Variants in PPP1R9A observed in about 807,000 individuals in gnomAD.
PPP1R9A encodes neurabin-1.
Under a neutral mutation model 141.9 loss-of-function variants are expected in PPP1R9A, and 59 were observed. The observed-to-expected ratio is 0.42, with a 90% CI of 0.34 to 0.52. PPP1R9A has a LOEUF of 0.52. PPP1R9A is among the 20% of genes least tolerant of loss of function. PPP1R9A has a pLI of 0.10. For synonymous variants in PPP1R9A, 500 were observed against 569.7 expected (o/e 0.88, Z 1.74); for missense variants, 1,444 against 1,611.9 (o/e 0.90, Z 1.78).
intron 5 of PPP1R9A, among the ~76,000 whole-genome samples, chr7:95,164,272 G>A (rs1830857610): frequency 6.6e-6 from 1 of 152,166 alleles, no homozygotes; most frequent in East Asian, 1.9e-4. Context: ...ATTCAAATAG[G>A]TGTATAGTGG....
chr7:95,011,625 C>G (rs1348259583), intron 2 of PPP1R9A, among the ~76,000 whole-genome samples: 2 of 152,130 alleles, frequency 1.3e-5, no homozygotes, highest in African/African-American at 4.8e-5. Context: ...AATTTAAAAA[C>G]TACTCTACTG....
At chr7:95,265,097 T>A (rs985261177) in intron 12 of PPP1R9A, among the ~76,000 whole-genome samples, 1 of 152,186 alleles carries the variant, frequency 6.6e-6, no homozygotes, top group African/African-American at 2.4e-5. Context: ...TATTCTTGGA[T>A]ATATGTAAAG....
chr7:95,251,685 T>G, intron 10 of PPP1R9A, 77 bp from the exon 11 acceptor site: 2 of 1,314,876 alleles, frequency 1.5e-6, no homozygotes, highest in Non-Finnish European at 2.1e-6. Flanking sequence ...TATCCTACTA[T>G]GCAGTTTATT....
chr7:95,021,800 A>C (rs1449136743), intron 2 of PPP1R9A, among the ~76,000 whole-genome samples: 1 of 151,966 alleles, frequency 6.6e-6, no homozygotes, highest in Non-Finnish European at 1.5e-5. Context: ...TGTTATTTCC[A>C]AGGGCTCTGT....
chr7:95,242,620 A>G (rs1797610872), intron 8 of PPP1R9A, among the ~76,000 whole-genome samples: 1 of 152,122 alleles, frequency 6.6e-6, no homozygotes, highest in South Asian at 2.1e-4. Flanking sequence ...CACAGCAGGT[A>G]CACCTTCAGA....
At chr7:94,984,391 G>A (rs1047847627) in intron 2 of PPP1R9A, among the ~76,000 whole-genome samples, 1 of 152,106 alleles carries the variant, frequency 6.6e-6, no homozygotes, top group African/African-American at 2.4e-5. Context: ...GATTGGAATA[G>A]TTTCAAAAGG....
At chr7:94,948,761 A>G (rs1318677102) in intron 2 of PPP1R9A, among the ~76,000 whole-genome samples, 10 of 152,092 alleles carry the variant, frequency 6.6e-5, no homozygotes, top group Non-Finnish European at 1.2e-4. Flanking sequence ...CCTGGCATTT[A>G]TAGCATACTT....
Position 95,269,475 on chromosome 7 carries a change from A to C in PPP1R9A, c.3092A>C (p.Gln1031Pro). The C allele has an allele frequency of 6.3e-7, 1 of 1,583,104 alleles. No homozygotes were observed. Residue 1031 changes from glutamine (Q) to proline (P), a missense_variant, in exon 14 of 20, where the codon CAA (glutamine) becomes CCA (proline). By Grantham distance (76) the Gln-to-Pro change is moderately conservative. Coordinates refer to ENST00000433360, the MANE Select transcript of PPP1R9A (RefSeq NM_001166160.2). ...GTGGAAGAATCTCCTTGCCATCACC[A>C]AACCACCAACAAGAAAATATTACGA... Reference protein sequence around the residue: ...HDVEESPCHHQTTNKKILREK... With the variant: ...HDVEESPCHHPTTNKKILREK...
At chr7:94,989,029 CTT>C (rs1375029163) in intron 2 of PPP1R9A, among the ~76,000 whole-genome samples, 5 of 152,044 alleles carry the variant, frequency 3.3e-5, no homozygotes. Context: ...TTTGAGGACT[CTT>C]TTAGTCCAGT....
intron 14 of PPP1R9A, among the ~76,000 whole-genome samples, chr7:95,272,582 C>A (rs1452353080): frequency 6.6e-6 from 1 of 152,156 alleles, no homozygotes; most frequent in Non-Finnish European, 1.5e-5. Flanking sequence ...ATCTAAGTAT[C>A]ATTAACTAAA....
intron 2 of PPP1R9A, among the ~76,000 whole-genome samples, chr7:94,981,573 A>G (rs574628409): frequency 1.3e-5 from 2 of 152,148 alleles, no homozygotes; most frequent in South Asian, 4.1e-4. Flanking sequence ...ATTACAGATA[A>G]TTATCTTGTG....
intron 5 of PPP1R9A, among the ~76,000 whole-genome samples, chr7:95,181,193 T>G (rs1162143074): frequency 7.6e-6 from 1 of 131,078 alleles, no homozygotes; most frequent in African/African-American, 2.6e-5. Flanking sequence ...TCTATATATA[T>G]AGAATATATA....
At chr7:94,947,357 C>T (rs1188454135) in intron 2 of PPP1R9A, among the ~76,000 whole-genome samples, 1 of 152,162 alleles carries the variant, frequency 6.6e-6, no homozygotes, top group Non-Finnish European at 1.5e-5. Context: ...CTTCTCATCC[C>T]TAGCTTCTGT....
At chr7:95,203,325 A>G (rs1231423614) in intron 6 of PPP1R9A, among the ~76,000 whole-genome samples, 1 of 152,136 alleles carries the variant, frequency 6.6e-6, no homozygotes, top group African/African-American at 2.4e-5. Flanking sequence ...TATAATATTT[A>G]TGTTATAAAA....
chr7:95,249,252 G>A (rs1585453753), intron 9 of PPP1R9A, among the ~76,000 whole-genome samples: 1 of 152,008 alleles, frequency 6.6e-6, no homozygotes, highest in African/African-American at 2.4e-5. Context: ...TATTTTTATG[G>A]GAATTGAGGT....
At chr7:94,933,679 A>G (rs116726295) in intron 2 of PPP1R9A, among the ~76,000 whole-genome samples, 1 of 152,250 alleles carries the variant, frequency 6.6e-6, no homozygotes, top group African/African-American at 2.4e-5. Flanking sequence ...GCACCAAGTA[A>G]AGGGCTTTAT....
intron 17 of PPP1R9A, 75 bp downstream of exon 17, chr7:95,284,405 C>T: frequency 2.4e-6 from 3 of 1,264,214 alleles, no homozygotes; most frequent in Non-Finnish European, 3.2e-6. Flanking sequence ...CTACCACCTT[C>T]TTTAATGCTG....
At chr7:95,205,859 T>A (rs371212664) in intron 7 of PPP1R9A, among the ~76,000 whole-genome samples, 1 of 152,216 alleles carries the variant, frequency 6.6e-6, no homozygotes, top group Non-Finnish European at 1.5e-5. Flanking sequence ...CAGGTTTCAA[T>A]GGGCTTTTGC....
intron 4 of PPP1R9A, among the ~76,000 whole-genome samples, chr7:95,131,890 A>G (rs749401550): frequency 3.3e-5 from 5 of 151,998 alleles, no homozygotes; most frequent in Non-Finnish European, 7.4e-5. Flanking sequence ...AGTTCTTCTT[A>G]TAGATATCTT....
Sources: allele counts gnomAD v4.1 joint callset (sites outside exome capture counted in the v4.1 genomes callset), GRCh38; gene constraint gnomAD v4.1.1; transcripts MANE v1.5; gene names NCBI Gene and HGNC (gene_info 2026-07-23, HGNC 2026-07-21).